The following ABCC10 variants were observed in gnomAD, a reference collection of about 807,000 sequenced individuals.
ABCC10 encodes ATP-binding cassette sub-family C member 10.
ABCC10 carries 110 observed loss-of-function variants against 143.2 expected under a neutral mutation model. The observed-to-expected ratio is 0.77, with a 90% CI of 0.66 to 0.90. ABCC10 has a LOEUF of 0.90. Among genes scored for constraint, ABCC10 ranks in the 40% least tolerant of loss-of-function variants. ABCC10 has a pLI of 0.00. For synonymous variants in ABCC10, 805 were observed against 846.7 expected (o/e 0.95, Z 0.85); for missense variants, 1,700 against 1,900.5 (o/e 0.89, Z 1.96).
chr6:43,429,372 T>TGTG (rs1554200963), intron 2 of ABCC10, among the ~76,000 whole-genome samples: 30,336 of 98,130 alleles, frequency 0.31, 6,150 homozygotes, highest in East Asian at 0.46. Context: ...CTTTTCTTTC[T>TGTG]TGTGTGTGTG....
chr6:43,446,003 A>G, intron 15 of ABCC10, 61 bp downstream of exon 15: 2 of 1,516,112 alleles, frequency 1.3e-6, no homozygotes. Context: ...AGAGACCCCC[A>G]AGAAGAGGAA....
chr6:43,438,328 T>C, intron 7 of ABCC10: 2 of 1,409,356 alleles, frequency 1.4e-6, no homozygotes, highest in Non-Finnish European at 1.8e-6. Flanking sequence ...GGGAGGACCT[T>C]GTTTTCAGAT....
Position 43,435,894 on chromosome 6 carries a change from C to T in ABCC10, c.1752C>T (p.Ala584=). The change falls in exon 5 of 22, where the codon GCC becomes GCT. Residue 584 remains alanine (A), a synonymous_variant. Transcript: ENST00000372530. ...FLDLPNHNPQ[A]YYSPDPPAEP... ...ACCTTCCAAACCACAACCCCCAGGC[C>T]TACTACAGCCCAGGTAATGGGAAGC... 6.2e-7 allele frequency: 1 copy of T among 1,614,160 alleles called. No individual in the cohort carries two copies. The highest frequency in any genetic ancestry group is 8.5e-7 in the Non-Finnish European group (1 of 1,180,036).
Position 43,433,113 on chromosome 6 carries a change from G to C in ABCC10, c.1133G>C (p.Gly378Ala). Residue 378 changes from glycine to alanine, a missense_variant, in exon 3 of 22, where the codon GGG becomes GCG. Coordinates refer to ENST00000372530, the MANE Select transcript of ABCC10 (RefSeq NM_001198934.2). ...LQLGPSRPPT[G>A]EALNLLGTDS... Reference sequence around the variant, plus strand: ...CTGGGGCCCAGCCGCCCTCCTACTGGGGAGGCCCTGAACCTACTAGGCACT... The same window carrying C: ...CTGGGGCCCAGCCGCCCTCCTACTGCGGAGGCCCTGAACCTACTAGGCACT... The C allele has an allele frequency of 6.2e-7, 1 of 1,614,128 alleles. No homozygotes were observed. Among genetic ancestry groups the C allele is most frequent in the Non-Finnish European group, 8.5e-7 (1 of 1,179,996 alleles).
At position 43,444,955 on chromosome 6, in the gene ABCC10, G is replaced by A; in HGVS notation, c.2840+17G>A. ...AAACCTCTAGTGAGTGGCTGGGGCT[G>A]GGGGTAGGCCTGGTGCTCTCAGAGT... On this transcript the variant is annotated intron_variant, in intron 13 of 21. Transcript: ENST00000372530. 4.4e-6 allele frequency: 7 copies of A among 1,604,152 alleles called. No individual in the cohort carries two copies. The highest frequency in any genetic ancestry group is 6.0e-6 in the Non-Finnish European group (7 of 1,174,890).
At chr6:43,445,363 T>C (rs1318752876) in intron 14 of ABCC10, 49 bp downstream of exon 14, 4 of 1,564,660 alleles carry the variant, frequency 2.6e-6, no homozygotes, top group Non-Finnish European at 3.5e-6. Flanking sequence ...CTAGCCCCTG[T>C]GGAGTGTCCT....
intron 8 of ABCC10, among the ~76,000 whole-genome samples, chr6:43,440,377 T>C (rs755457788): frequency 5.9e-5 from 9 of 152,348 alleles, no homozygotes; most frequent in Middle Eastern, 3.4e-3. Flanking sequence ...CGTGATCCAC[T>C]AGATGGTGAG....
chr6:43,441,954 C>T lies in ABCC10; in HGVS notation c.2220C>T (p.Val740=). Residue 740 remains valine, a synonymous_variant, in exon 9 of 22, where the codon GTC becomes GTT. Coordinates refer to ENST00000372530, the MANE Select transcript of ABCC10 (RefSeq NM_001198934.2). ...CCCGGATTGCCCTTGCTCGTGCTGT[C>T]TACCAGGTCAGTTAAAGATGGAGGT... is the stretch of plus-strand genomic sequence containing the variant. ...QRARIALARA[V]YQEKELYLLD... 1.9e-6 allele frequency: 3 copies of T among 1,613,678 alleles called. No homozygotes were observed. Among genetic ancestry groups the T allele is most frequent in the Non-Finnish European group, 2.5e-6 (3 of 1,179,718 alleles).
At chr6:43,439,544 A>G (rs574748420) in intron 8 of ABCC10, among the ~76,000 whole-genome samples, 2 of 152,076 alleles carry the variant, frequency 1.3e-5, no homozygotes, top group East Asian at 3.9e-4. Flanking sequence ...CTGGGACTAC[A>G]GGAGTGAGCC....
chr6:43,445,440 C>G, intron 14 of ABCC10, 126 bp downstream of exon 14: 1 of 1,352,828 alleles, frequency 7.4e-7, no homozygotes, highest in South Asian at 1.4e-5. Flanking sequence ...TCCTCAACCT[C>G]TGCCAATCTC....
chr6:43,438,225 TAGTC>T (rs1178084836), intron 7 of ABCC10: 37 of 938,330 alleles, frequency 3.9e-5, no homozygotes, highest in Non-Finnish European at 5.6e-5. Flanking sequence ...AATGCTATAA[TAGTC>T]AGCAAAGGAA....
At chr6:43,438,936 C>T (rs1562183831) in intron 8 of ABCC10, 141 bp downstream of exon 8, 11 of 1,036,464 alleles carry the variant, frequency 1.1e-5, no homozygotes, top group Admixed American at 2.5e-5. Context: ...GGACTGTGGT[C>T]CTCCCAGAGT....
intron 7 of ABCC10, 68 bp downstream of exon 7, chr6:43,438,081 G>A (rs761599630): frequency 2.0e-5 from 31 of 1,515,842 alleles, no homozygotes; most frequent in Non-Finnish European, 2.7e-5. Context: ...CCTCTTATGT[G>A]TTGGACACCT....
At position 43,443,300 on chromosome 6, in the gene ABCC10, G is replaced by T; in HGVS notation, c.2416+141G>T. On this transcript the variant is annotated intron_variant, in intron 10 of 21. Transcript: ENST00000372530. The surrounding 1 kb of genome is among the most constrained non-coding windows in gnomAD (Gnocchi z 4.2). ...TCCCGCCTTCACAGAACTGGTGTGA[G>T]GAACTGGGAGAACAGGAGGGAAAAG... The T allele has an allele frequency of 1.2e-6, 1 of 854,700 alleles. No individual in the cohort carries two copies. The highest frequency in any genetic ancestry group is 1.7e-6 in the Non-Finnish European group (1 of 589,004). The allele number at this position is 854,700 out of a possible 1,614,324, so 52.9% of individuals were successfully genotyped here.
At chr6:43,450,913 C>T (rs375804004), downstream of ABCC10, 6 of 1,614,104 alleles carry the variant, frequency 3.7e-6, no homozygotes, top group African/African-American at 8.0e-5. The surrounding 1 kb of genome is among the most constrained non-coding windows in gnomAD (Gnocchi z 4.5). Flanking sequence ...GGGGTGTCCA[C>T]TGTGGTTGGG....
chr6:43,431,759 A>T, intron 2 of ABCC10: 9 of 1,018,570 alleles, frequency 8.8e-6, no homozygotes, highest in Non-Finnish European at 1.1e-5. Context: ...GCTTCTAATG[A>T]TCCCATCACC....
rs1019663934 is a variant in ABCC10 at position 43,431,854 on chromosome 6, T to G, written c.162-288T>G. Reference sequence around the variant, plus strand: ...CAATCTTACCTCAAAATTGTTAATGTCTGTGGTTTAAAAAAAAACATGAAT... The same window carrying G: ...CAATCTTACCTCAAAATTGTTAATGGCTGTGGTTTAAAAAAAAACATGAAT... On this transcript the variant is annotated intron_variant, in intron 2 of 21. Coordinates refer to ENST00000372530, the MANE Select transcript of ABCC10 (RefSeq NM_001198934.2). 6.2e-6 allele frequency: 8 copies of G among 1,289,926 alleles called. No individual in the cohort carries two copies. In the East Asian group the frequency reaches 1.2e-4, roughly 20 times the overall value. The allele number at this position is 1,289,926 out of a possible 1,614,324, so 79.9% of individuals were successfully genotyped here.
Position 43,436,219 on chromosome 6 carries a change from C to A in ABCC10, c.1847C>A (p.Thr616Asn). Residue 616 changes from threonine to asparagine, a missense_variant, in exon 6 of 22, where the codon ACC becomes AAC. Transcript: ENST00000372530. ...SWDPVGTSLE[T>N]FISHLEVKKG... ...GACCCAGTTGGAACCAGCCTGGAGACCTTCATCAGTCATCTCGAAGTGAAA... is the reference window on the plus strand; with the variant it reads ...GACCCAGTTGGAACCAGCCTGGAGAACTTCATCAGTCATCTCGAAGTGAAA... 1 of 1,614,076 alleles carries A rather than the reference C, an allele frequency of 6.2e-7. No homozygotes were observed.
rs1783194893 is a variant in ABCC10, at chr6:43,447,248, G to C, written c.3545G>C (p.Gly1182Ala). 6.2e-7 allele frequency: 1 copy of C among 1,612,834 alleles called. No homozygotes were observed. The highest frequency in any genetic ancestry group is 1.3e-5 in the African/African-American group (1 of 74,900). ...VQHQQGLANP[G>A]LVGLSLSYAL... ...AGCAGCTGGTACTTCTCTCCCCCAG[G>C]GCTGGTGGGCTTGTCGCTGTCTTAT... Residue 1182 changes from glycine (G) to alanine (A), a missense_variant and splice_region_variant, in exon 17 of 22, where the codon GGG becomes GCG. Coordinates refer to ENST00000372530, the MANE Select transcript of ABCC10 (RefSeq NM_001198934.2).
Sources: gnomAD v4.1 joint callset for allele counts (sites outside exome capture counted in the v4.1 genomes callset) on GRCh38, gnomAD v4.1.1 for gene constraint, Gnocchi (gnomAD v3.1) non-coding constraint, MANE v1.5 for transcripts, NCBI Gene and HGNC (gene_info 2026-07-23, HGNC 2026-07-21) for gene names.